Variants in DNASE1 observed in about 807,000 individuals in gnomAD.
DNASE1 encodes the protein deoxyribonuclease 1.
DNASE1 carries 40 observed loss-of-function variants against 33.9 expected under a neutral mutation model. The observed-to-expected ratio is 1.18, with a 90% CI of 0.92 to 1.54. The LOEUF (loss-of-function observed/expected upper bound fraction) is 1.54, where lower values mean the gene tolerates loss of function less well. DNASE1 is among the 40% of genes most tolerant of loss of function. The pLI is 0.00. For synonymous variants in DNASE1, 216 were observed against 160.0 expected (o/e 1.35, Z -2.64); for missense variants, 518 against 372.6 (o/e 1.39, Z -3.21).
chr16:3,655,349 T>C (rs754004304), intron 1 of DNASE1, 24 bp from the exon 2 acceptor site: 5 of 1,611,446 alleles, frequency 3.1e-6, no homozygotes, highest in Non-Finnish European at 4.2e-6. Context: ...TTCTGTTATG[T>C]CTCTGTGCCC....
rs1390153061 is a variant in DNASE1, at chr16:3,657,895, C to T, written c.802-11C>T. ...AGGCTCAGCCCAGACCCTGTGCCCACTTGCCTGCAGGCCCAAGCCATCAGT... is the reference window on the plus strand; with the variant it reads ...AGGCTCAGCCCAGACCCTGTGCCCATTTGCCTGCAGGCCCAAGCCATCAGT... On this transcript the variant is annotated splice_polypyrimidine_tract_variant and intron_variant, in intron 8 of 8. Transcript: ENST00000246949. The T allele has an allele frequency of 1.2e-6, 2 of 1,613,950 alleles. No individual in the cohort carries two copies. Among genetic ancestry groups the T allele is most frequent in the African/African-American group, 1.3e-5 (1 of 74,908 alleles).
At chr16:3,631,355 C>T (rs2041693080) in intron 1 of DNASE1, among the ~76,000 whole-genome samples, 3 of 151,926 alleles carry the variant, frequency 2.0e-5, no homozygotes, top group Non-Finnish European at 2.9e-5. Context: ...CAAGTGCCCC[C>T]CACCACACCC....
At chr16:3,653,664 G>C (rs977735504), upstream of DNASE1, 1 of 151,658 alleles carries the variant, frequency 6.6e-6, no homozygotes, top group Non-Finnish European at 1.5e-5. Flanking sequence ...AAAATTAGCC[G>C]GGTGTGGTGG....
At chr16:3,649,306 A>G (rs562203598) in intron 1 of DNASE1, among the ~76,000 whole-genome samples, 1 of 152,348 alleles carries the variant, frequency 6.6e-6, no homozygotes, top group East Asian at 1.9e-4. Flanking sequence ...GTTACTGGGC[A>G]GTCCTTTTTG....
chr16:3,630,117 C>A (rs1180254022), intron 1 of DNASE1, among the ~76,000 whole-genome samples: 2 of 151,296 alleles, frequency 1.3e-5, no homozygotes, highest in African/African-American at 4.9e-5. Context: ...CACGCCCAGC[C>A]CTTGTTTGTT....
At chr16:3,641,131 C>T (rs1269347988), upstream of DNASE1, 1 of 395,982 alleles carries the variant, frequency 2.5e-6, no homozygotes, top group Non-Finnish European at 4.4e-6. Context: ...TAGTGGTGGC[C>T]AGCATGGCCC....
chr16:3,624,738 T>C (rs1348750224), intron 1 of DNASE1, among the ~76,000 whole-genome samples: 1 of 152,190 alleles, frequency 6.6e-6, no homozygotes, highest in East Asian at 1.9e-4. Context: ...TGGAGTGCAG[T>C]AGTGGGAACT....
intron 1 of DNASE1, among the ~76,000 whole-genome samples, chr16:3,615,853 C>T (rs1196332057): frequency 6.6e-6 from 1 of 152,128 alleles, no homozygotes; most frequent in Non-Finnish European, 1.5e-5. Context: ...ATGTTTTAAA[C>T]AGTTGGGAGG....
chr16:3,628,912 C>T (rs1254317575), intron 1 of DNASE1, among the ~76,000 whole-genome samples: 36 of 146,916 alleles, frequency 2.5e-4, no homozygotes, highest in Non-Finnish European at 5.1e-4. Context: ...TGGCTCACGC[C>T]GGTAATCCCA....
chr16:3,644,021 G>C (rs1187838640), intron 1 of DNASE1, among the ~76,000 whole-genome samples: 1 of 152,150 alleles, frequency 6.6e-6, no homozygotes, highest in African/African-American at 2.4e-5. Context: ...CATTATAGGC[G>C]TCAGCCACCG....
exon 10 of DNASE1, chr16:3,665,347 G>A (rs573434451): frequency 6.6e-6 from 1 of 152,524 alleles, no homozygotes; most frequent in South Asian, 2.1e-4. Flanking sequence ...TACAGTGGAG[G>A]CAGCCACACC....
rs750084018 is a variant in DNASE1 at position 3,657,733 on chromosome 16, G to C, written c.718G>C (p.Gly240Arg). ...AACACCCATCAGGATCGTGGTTGCA[G>C]GGATGCTGCTCCGAGGCGCCGTTGT... The part of the protein sequence containing the change: ...HCAYDRIVVA[G>R]MLLRGAVVPD... The change falls in exon 8 of 9, where the codon GGG becomes CGG. Residue 240 changes from glycine to arginine, a missense_variant. Coordinates refer to ENST00000246949, the MANE Select transcript of DNASE1 (RefSeq NM_005223.4). 8.1e-6 allele frequency: 13 copies of C among 1,613,816 alleles called. No individual in the cohort carries two copies. Among genetic ancestry groups the C allele is most frequent in the Non-Finnish European group, 1.1e-5 (13 of 1,179,984 alleles).
rs181054625 is a variant in DNASE1 at position 3,648,444 on chromosome 16, C to T, written c.-86+5408C>T. Among the ~76,000 whole-genome samples the T allele has an allele frequency of 4.0e-3, 614 of 152,128 alleles. 4 individuals are homozygous for T. Among genetic ancestry groups the T allele is most frequent in the African/African-American group, 0.014 (588 of 41,484 alleles). ...GGGCGTGGTGGCGGGCGCCTGTAGT[C>T]CCAGCTACTCAGGAGGCTGAGGCAG... On this transcript the variant is annotated intron_variant, in intron 1 of 9. Transcript: ENST00000407479.
chr16:3,662,688 C>A, downstream of DNASE1: 4 of 697,644 alleles, frequency 5.7e-6, no homozygotes, highest in Non-Finnish European at 7.8e-6. Flanking sequence ...GGGAGAAAGA[C>A]ACGGCCTTCC....
intron 1 of DNASE1, among the ~76,000 whole-genome samples, chr16:3,612,698 C>G (rs977708710): frequency 7.9e-5 from 12 of 152,072 alleles, no homozygotes; most frequent in African/African-American, 2.9e-4. Flanking sequence ...CGTGAGCCAC[C>G]ACGCCCGGCG....
At chr16:3,636,792 C>G (rs978403398) in intron 1 of DNASE1, among the ~76,000 whole-genome samples, 1 of 151,378 alleles carries the variant, frequency 6.6e-6, no homozygotes, top group African/African-American at 2.4e-5. Flanking sequence ...AGTACTCCAG[C>G]CTGGGCAACA....
At chr16:3,659,635 A>G (rs1433920602), downstream of DNASE1, 1 of 152,196 alleles carries the variant, frequency 6.6e-6, no homozygotes, top group Non-Finnish European at 1.5e-5. Flanking sequence ...GGGGAACTGT[A>G]AATTTGTACA....
upstream of DNASE1, chr16:3,641,363 C>T: frequency 6.4e-6 from 1 of 157,256 alleles, no homozygotes; most frequent in East Asian, 1.9e-4. Context: ...CTTTCCTGTT[C>T]ACAGGGCTGG....
chr16:3,618,000 A>G (rs938097560), intron 1 of DNASE1, among the ~76,000 whole-genome samples: 5 of 151,958 alleles, frequency 3.3e-5, no homozygotes, highest in Admixed American at 1.3e-4. Context: ...CTAGTAGCAC[A>G]ATATAGAAAG....
Sources: gnomAD v4.1 joint callset for allele counts (sites outside exome capture counted in the v4.1 genomes callset) on GRCh38, gnomAD v4.1.1 for gene constraint, MANE v1.5 for transcripts, NCBI Gene and HGNC (gene_info 2026-07-23, HGNC 2026-07-21) for gene names.